The following WBP1L variants were observed in gnomAD, a reference collection of about 807,000 sequenced individuals.
WBP1L encodes the protein WW domain binding protein 1 like.
WBP1L carries 17 observed loss-of-function variants against 33.7 expected under a neutral mutation model. The ratio of observed to expected loss-of-function variants is 0.50; its 90% CI spans 0.34 to 0.76. The LOEUF is 0.76. Among genes scored for constraint, WBP1L ranks in the 30% least tolerant of loss-of-function variants. WBP1L has a pLI of 0.01. For synonymous variants in WBP1L, 173 were observed against 190.8 expected, an observed-to-expected ratio of 0.91 and a Z score of 0.77; for missense variants, 389 against 469.4, an observed-to-expected ratio of 0.83 and a Z score of 1.58.
At chr10:102,783,767 C>T (rs1843369951) in intron 1 of WBP1L, among the ~76,000 whole-genome samples, 1 of 152,126 alleles carries the variant, frequency 6.6e-6, no homozygotes, top group Non-Finnish European at 1.5e-5. Flanking sequence ...ACAGTTCAGT[C>T]CCGTATGACA....
In WBP1L at chr10:102,813,087, A is replaced by G. The variant is rs1420329682; in HGVS notation, c.848A>G (p.His283Arg). The G allele has an allele frequency of 6.2e-7, 1 of 1,613,804 alleles. No homozygotes were observed. Among genetic ancestry groups the G allele is most frequent in the African/African-American group, 1.3e-5 (1 of 74,904 alleles). Reference sequence around the variant, plus strand: ...GTGTGTGTGTGCAACCGGGGCCACCATGACGATGACCTCAAAGAGTTCAAC... The same window carrying G: ...GTGTGTGTGTGCAACCGGGGCCACCGTGACGATGACCTCAAAGAGTTCAAC... ...IEVCVCNRGH[H>R]DDDLKEFNTL... Residue 283 changes from histidine to arginine, a missense_variant, in exon 4 of 4, where the codon CAT becomes CGT. His to Arg is a conservative substitution (Grantham distance 29). Transcript: ENST00000448841.
rs1015091202 is a variant in WBP1L at position 102,813,350 on chromosome 10, C to G, written c.*19C>G. 4 of 1,584,998 alleles carry G rather than the reference C, an allele frequency of 2.5e-6. No homozygotes were observed. The Admixed American group carries it at 5.3e-5, about 21-fold the overall frequency. ...CAGCTAGAGCAGGTCCTGCCAGCAC[C>G]CAGCAACTTGGCAAAGCAACCAGGG... On this transcript the variant is annotated 3_prime_UTR_variant, in exon 4 of 4. Coordinates refer to ENST00000448841, the MANE Select transcript of WBP1L (RefSeq NM_001083913.2).
intron 1 of WBP1L, among the ~76,000 whole-genome samples, chr10:102,748,638 C>T (rs1232392406): frequency 2.0e-5 from 3 of 152,190 alleles, no homozygotes; most frequent in African/African-American, 7.2e-5. Context: ...CTACTCTTTG[C>T]AGCAGGCTAT....
chr10:102,808,477 A>G (rs1843773084), intron 2 of WBP1L, among the ~76,000 whole-genome samples: 2 of 152,104 alleles, frequency 1.3e-5, no homozygotes, highest in African/African-American at 2.4e-5. Flanking sequence ...GCACAGAGGG[A>G]AGTAAAGAGC....
chr10:102,747,283 G>A (rs1842874220), intron 1 of WBP1L, among the ~76,000 whole-genome samples: 1 of 150,782 alleles, frequency 6.6e-6, no homozygotes, highest in Admixed American at 6.6e-5. Context: ...TCGCTTGAAC[G>A]TGGGAGGTAG....
At chr10:102,796,109 G>A (rs1843569757) in intron 1 of WBP1L, among the ~76,000 whole-genome samples, 1 of 148,988 alleles carries the variant, frequency 6.7e-6, no homozygotes, top group African/African-American at 2.4e-5. Context: ...TTCACTTTTA[G>A]TACAGGATTA....
intron 1 of WBP1L, among the ~76,000 whole-genome samples, chr10:102,780,460 G>A (rs530224190): frequency 2.0e-5 from 3 of 152,298 alleles, no homozygotes; most frequent in African/African-American, 7.2e-5. Context: ...AATGTTCTTA[G>A]TCATGATTTG....
At chr10:102,775,583 AGTTT>A (rs1292690010) in intron 1 of WBP1L, among the ~76,000 whole-genome samples, 8 of 152,142 alleles carry the variant, frequency 5.3e-5, no homozygotes, top group African/African-American at 1.9e-4. Context: ...GTACTTGCGC[AGTTT>A]GTTTATGAAA....
chr10:102,798,119 T>G (rs1843599622), intron 2 of WBP1L, 24 bp downstream of exon 2: 1 of 1,602,540 alleles, frequency 6.2e-7, no homozygotes, highest in Non-Finnish European at 8.5e-7. Flanking sequence ...TGGGTGCCTC[T>G]CAGTATCCCA....
Position 102,813,362 on chromosome 10 carries a change from C to A in WBP1L, c.*31C>A. On this transcript the variant is annotated 3_prime_UTR_variant, in exon 4 of 4. Coordinates refer to ENST00000448841, the MANE Select transcript of WBP1L (RefSeq NM_001083913.2). Reference sequence around the variant, plus strand: ...GTCCTGCCAGCACCCAGCAACTTGGCAAAGCAACCAGGGTAGGGGAGAACC... The same window carrying A: ...GTCCTGCCAGCACCCAGCAACTTGGAAAAGCAACCAGGGTAGGGGAGAACC... The A allele has an allele frequency of 6.3e-7, 1 of 1,577,918 alleles. No homozygotes were observed.
chr10:102,765,496 A>T (rs1337631309), intron 1 of WBP1L, among the ~76,000 whole-genome samples: 1 of 152,142 alleles, frequency 6.6e-6, no homozygotes, highest in Non-Finnish European at 1.5e-5. Context: ...GGCCTCCCAA[A>T]GTGCTGGCAT....
chr10:102,752,210 T>G (rs1842930541), intron 1 of WBP1L, among the ~76,000 whole-genome samples: 1 of 152,132 alleles, frequency 6.6e-6, no homozygotes, highest in Admixed American at 6.5e-5. Context: ...CGACAAAGAC[T>G]TTTCCAGCCC....
At chr10:102,789,613 G>C (rs1843467744) in intron 1 of WBP1L, among the ~76,000 whole-genome samples, 1 of 152,066 alleles carries the variant, frequency 6.6e-6, no homozygotes. Flanking sequence ...TACTGCTAGT[G>C]AAATTATAAT....
Position 102,814,184 on chromosome 10 carries a change from A to G in WBP1L, c.*853A>G, listed in dbSNP as rs1843893521. On this transcript the variant is annotated 3_prime_UTR_variant, in exon 4 of 4. Transcript: ENST00000448841. Reference sequence around the variant, plus strand: ...CCTTCAAAGAGCCTGCCTGCTGTTGAGCCAGAAGATGTCTCGTGTGAAGGC... The same window carrying G: ...CCTTCAAAGAGCCTGCCTGCTGTTGGGCCAGAAGATGTCTCGTGTGAAGGC... 1 of 152,188 alleles carries G rather than the reference A, an allele frequency of 6.6e-6. No individual in the cohort carries two copies. Among genetic ancestry groups the G allele is most frequent in the African/African-American group, 2.4e-5 (1 of 41,442 alleles). The allele number at this position is 152,188 out of a possible 1,614,324, so 9.4% of individuals were successfully genotyped here. A position where few individuals can be genotyped will look rare whatever the true frequency, so the allele number is the denominator to read the frequency against.
chr10:102,791,586 C>T (rs1843498884), intron 1 of WBP1L, among the ~76,000 whole-genome samples: 1 of 152,068 alleles, frequency 6.6e-6, no homozygotes, highest in Admixed American at 6.6e-5. Flanking sequence ...ATCCCTTGAG[C>T]CCAGGAGTTC....
intron 2 of WBP1L, among the ~76,000 whole-genome samples, chr10:102,808,607 T>C (rs980931928): frequency 3.3e-5 from 5 of 152,310 alleles, no homozygotes; most frequent in Admixed American, 6.5e-5. Flanking sequence ...ATTGTGGCAG[T>C]GGGAGATGGA....
At chr10:102,808,775 G>T (rs1843779590) in intron 2 of WBP1L, among the ~76,000 whole-genome samples, 1 of 152,132 alleles carries the variant, frequency 6.6e-6, no homozygotes. Flanking sequence ...TGATTTTTTT[G>T]ATGCTATCAG....
At chr10:102,803,294 G>A (rs955708000) in intron 2 of WBP1L, among the ~76,000 whole-genome samples, 3 of 152,196 alleles carry the variant, frequency 2.0e-5, no homozygotes, top group African/African-American at 7.2e-5. Flanking sequence ...TGGGAGGAGA[G>A]CTCACTTACA....
chr10:102,810,143 G>A (rs768898050), intron 3 of WBP1L, 89 bp downstream of exon 3: 72 of 1,505,392 alleles, frequency 4.8e-5, no homozygotes, highest in South Asian at 3.1e-4. Flanking sequence ...CCAGGCTCCT[G>A]TAGGCATAGG....
Sources: allele counts gnomAD v4.1 joint callset (sites outside exome capture counted in the v4.1 genomes callset), GRCh38; gene constraint gnomAD v4.1.1; transcripts MANE v1.5; gene names NCBI Gene and HGNC (gene_info 2026-07-23, HGNC 2026-07-21).